The following ZNF160 variants were observed in gnomAD, a reference collection of about 807,000 sequenced individuals.
ZNF160 encodes the protein zinc finger protein 160.
Under a neutral mutation model 13.1 loss-of-function variants are expected in ZNF160, and 9 were observed. That is an observed-to-expected ratio of 0.69 (90% CI 0.41 to 1.20). The LOEUF is 1.20. Ranked by LOEUF, ZNF160 falls within the 50% of genes most tolerant of loss-of-function variation. The pLI is 0.01. For synonymous variants in ZNF160, 293 were observed against 333.2 expected, an observed-to-expected ratio of 0.88 and a Z score of 1.31; for missense variants, 838 against 988.0, an observed-to-expected ratio of 0.85 and a Z score of 2.04.
chr19:53,069,617 A>G lies in ZNF160; in HGVS notation c.917T>C (p.Ile306Thr), dbSNP rs201612733. ...VRSNLTIHQV[I>T]HTGEKPYKCH... is the part of the protein sequence containing the mutation. Reference sequence around the variant, plus strand: ...TTTGTAAGGTTTTTCTCCAGTATGGATGACCTGATGAATAGTTAGATTTGA... The same window carrying G: ...TTTGTAAGGTTTTTCTCCAGTATGGGTGACCTGATGAATAGTTAGATTTGA... The change falls in exon 6 of 6, where the codon ATC (isoleucine) becomes ACC (threonine). Residue 306 changes from isoleucine to threonine, a missense_variant. Ile to Thr is a moderately conservative substitution (Grantham distance 89). Around this residue, in one of 3 missense-constraint regions of ZNF160, gnomAD observed 387 missense variants for 402.3 expected, o/e 0.96. Transcript: ENST00000683776. The surrounding 1 kb of genome is among the most constrained non-coding windows in gnomAD (Gnocchi z 4.4). 1.7e-5 allele frequency: 28 copies of G among 1,614,020 alleles called. No individual in the cohort carries two copies. Among genetic ancestry groups the G allele is most frequent in the Non-Finnish European group, 2.2e-5 (26 of 1,180,038 alleles).
chr19:53,074,504 A>C (rs547893900), intron 4 of ZNF160, among the ~76,000 whole-genome samples: 5 of 151,818 alleles, frequency 3.3e-5, no homozygotes, highest in Non-Finnish European at 4.4e-5. Context: ...TGTCTCTACT[A>C]AAAACATAAA....
At chr19:53,075,382 T>G in intron 3 of ZNF160, 199 bp from the exon 4 acceptor site, 2 of 601,004 alleles carry the variant, frequency 3.3e-6, no homozygotes. Context: ...ATCAGTGGAG[T>G]GATAAGTATC....
chr19:53,072,030 ACTAT>A (rs1303746493), intron 5 of ZNF160, among the ~76,000 whole-genome samples: 1 of 152,146 alleles, frequency 6.6e-6, no homozygotes, highest in African/African-American at 2.4e-5. Context: ...TTGTTATATA[ACTAT>A]CTATATCCAC....
intron 1 of ZNF160, among the ~76,000 whole-genome samples, chr19:53,100,828 C>T (rs1331745871): frequency 1.3e-5 from 2 of 150,298 alleles, no homozygotes; most frequent in South Asian, 2.1e-4. Context: ...ACTAAAAATA[C>T]GAAAATTAGC....
chr19:53,079,825 C>T (rs1048995397), intron 3 of ZNF160, among the ~76,000 whole-genome samples: 11 of 151,990 alleles, frequency 7.2e-5, no homozygotes, highest in Admixed American at 2.6e-4. Flanking sequence ...GTAGTTTGCA[C>T]CTGTAATCAC....
At chr19:53,089,178 C>A (rs549319984) in intron 2 of ZNF160, among the ~76,000 whole-genome samples, 4 of 152,108 alleles carry the variant, frequency 2.6e-5, no homozygotes, top group Non-Finnish European at 4.4e-5. Flanking sequence ...AACTTGTGAC[C>A]GGCATTTGAA....
At chr19:53,073,605 A>T in intron 5 of ZNF160, 1 of 1,412,948 alleles carries the variant, frequency 7.1e-7, no homozygotes, top group Non-Finnish European at 9.3e-7. Flanking sequence ...TGGACTAAGA[A>T]CTGAGCACCA....
chr19:53,069,868 T>C lies in ZNF160; in HGVS notation c.666A>G (p.Gln222=), dbSNP rs777353241. 1 of 1,614,162 alleles carries C rather than the reference T, an allele frequency of 6.2e-7. No homozygotes were observed. Among genetic ancestry groups the C allele is most frequent in the Non-Finnish European group, 8.5e-7 (1 of 1,180,038 alleles). The change falls in exon 6 of 6, where the codon CAA becomes CAG. Residue 222 remains glutamine (Q), a synonymous_variant. Transcript: ENST00000683776. The surrounding 1 kb of genome is among the most constrained non-coding windows in gnomAD (Gnocchi z 4.4). Reference sequence around the variant, plus strand: ...TGTGGGTTTGGACACTAGAAGGAATTTGTTGAAGTGGTGACACTGAGGAAC... The same window carrying C: ...TGTGGGTTTGGACACTAGAAGGAATCTGTTGAAGTGGTGACACTGAGGAAC... ...NNGSSVSPLQ[Q]IPSSVQTHRS... is the part of the protein sequence containing the mutation.
intron 3 of ZNF160, chr19:53,077,372 A>G (rs2084431386): frequency 6.6e-6 from 1 of 152,164 alleles, no homozygotes; most frequent in African/African-American, 2.4e-5. Flanking sequence ...CCAACAGGAG[A>G]TAACGAGATA....
chr19:53,070,442 G>A (rs1406647370), intron 5 of ZNF160, among the ~76,000 whole-genome samples, 180 bp from the exon 6 acceptor site: 10 of 150,550 alleles, frequency 6.6e-5, no homozygotes, highest in Non-Finnish European at 1.3e-4. Context: ...ACGGAGTCTC[G>A]CTCTGTCGCC....
At position 53,068,373 on chromosome 19, in the gene ZNF160, T is replaced by C; in HGVS notation, c.2161A>G (p.Thr721Ala). 6.2e-7 allele frequency: 1 copy of C among 1,614,054 alleles called. No individual in the cohort carries two copies. The highest frequency in any genetic ancestry group is 8.5e-7 in the Non-Finnish European group (1 of 1,180,018). Residue 721 changes from threonine to alanine, a missense_variant, in exon 6 of 6, where the codon ACC (threonine) becomes GCC (alanine). Thr to Ala is a moderately conservative substitution (Grantham distance 58). Around this residue, in one of 3 missense-constraint regions of ZNF160, gnomAD observed 400 missense variants for 538.9 expected, o/e 0.74. Coordinates refer to ENST00000683776, the MANE Select transcript of ZNF160 (RefSeq NM_001322131.2). ...CCAGTATGGATTGCCTGATGGGTGGTTAGGCTTGAACGAACACTGAAGGCT... is the reference window on the plus strand; with the variant it reads ...CCAGTATGGATTGCCTGATGGGTGGCTAGGCTTGAACGAACACTGAAGGCT... ...GKAFSVRSSL[T>A]THQAIHTGKK... is the part of the protein sequence containing the mutation.
intron 3 of ZNF160, among the ~76,000 whole-genome samples, chr19:53,082,060 C>T (rs928769814): frequency 6.6e-6 from 1 of 152,102 alleles, no homozygotes; most frequent in African/African-American, 2.4e-5. Flanking sequence ...CAGCTAAACA[C>T]TGGGTGCACA....
chr19:53,074,300 CG>C, intron 4 of ZNF160, 32 bp from the exon 5 acceptor site: 26 of 1,610,030 alleles, frequency 1.6e-5, no homozygotes, highest in Non-Finnish European at 2.2e-5. Context: ...CACAATGTGC[CG>C]GGGCTTTTCC....
At chr19:53,097,500 A>G (rs2085282532) in intron 1 of ZNF160, among the ~76,000 whole-genome samples, 1 of 151,492 alleles carries the variant, frequency 6.6e-6, no homozygotes, top group Non-Finnish European at 1.5e-5. Context: ...CCCTGTTATG[A>G]AATCTCACAA....
In ZNF160 at chr19:53,100,067, G is replaced by A. The variant is rs535681785; in HGVS notation, c.-354+3198C>T. ...GAAAAACACAACATACTAATGAAAC[G>A]CAGAACTGTGAAAACATGGCTATTG... On this transcript the variant is annotated intron_variant, in intron 1 of 5. Coordinates refer to ENST00000683776, the MANE Select transcript of ZNF160 (RefSeq NM_001322131.2). Among the ~76,000 whole-genome samples the A allele has an allele frequency of 7.9e-5, 12 of 152,242 alleles. No homozygotes were observed. In the South Asian group the frequency reaches 1.2e-3, roughly 16 times the overall value.
intron 1 of ZNF160, among the ~76,000 whole-genome samples, chr19:53,097,285 T>C (rs530918833): frequency 0.012 from 1,618 of 134,522 alleles, 14 homozygotes; most frequent in African/African-American, 0.034. Context: ...AATCTTTCCC[T>C]TACTCTGGGA....
intron 1 of ZNF160, among the ~76,000 whole-genome samples, chr19:53,100,550 C>T (rs2085407585): frequency 6.6e-6 from 1 of 151,826 alleles, no homozygotes; most frequent in Non-Finnish European, 1.5e-5. Context: ...GCGGAGCTTG[C>T]AGTGAGCCGA....
Position 53,070,195 on chromosome 19 carries a change from GA to G in ZNF160, c.338del (p.Phe113SerfsTer60). On this transcript the variant is annotated frameshift_variant, in exon 6 of 6. Coordinates refer to ENST00000683776, the MANE Select transcript of ZNF160 (RefSeq NM_001322131.2). LOFTEE classifies it low-confidence loss of function (END_TRUNC). ...PKEKSSTEAV[F>X]HTVVLERHES... ...CGTGTCTTTCCAACACCACTGTGTG[GA>G]ATACTGCTTCTGTACTGCTCTTCTC... 6.2e-7 allele frequency: 1 copy of G among 1,613,890 alleles called. No homozygotes were observed. The highest frequency in any genetic ancestry group is 8.5e-7 in the Non-Finnish European group (1 of 1,180,016).
At chr19:53,101,765 T>G (rs547899501) in intron 1 of ZNF160, among the ~76,000 whole-genome samples, 4 of 152,290 alleles carry the variant, frequency 2.6e-5, no homozygotes, top group African/African-American at 9.6e-5. Context: ...CACTGCCCAA[T>G]GGCTAAACAG....
Sources: allele counts gnomAD v4.1 joint callset (sites outside exome capture counted in the v4.1 genomes callset), GRCh38; gene constraint gnomAD v4.1.1; regional missense constraint gnomAD v4.1.1; non-coding constraint Gnocchi (gnomAD v3.1); transcripts MANE v1.5; gene names NCBI Gene and HGNC (gene_info 2026-07-23, HGNC 2026-07-21).